ITGAD: variants seen among roughly 807,000 people sequenced by gnomAD.
ITGAD encodes integrin subunit alpha D, also known as integrin alpha-D.
Under a neutral mutation model 139.0 loss-of-function variants are expected in ITGAD, and 105 were observed. The ratio of observed to expected loss-of-function variants is 0.76; its 90% CI spans 0.65 to 0.89. The LOEUF (loss-of-function observed/expected upper bound fraction) is 0.89, where lower values mean the gene tolerates loss of function less well. Among genes scored for constraint, ITGAD ranks in the 40% least tolerant of loss-of-function variants. ITGAD has a pLI of 0.00. For synonymous variants in ITGAD, 569 were observed against 598.3 expected, an observed-to-expected ratio of 0.95 and a Z score of 0.71; for missense variants, 1,384 against 1,487.3, an observed-to-expected ratio of 0.93 and a Z score of 1.14.
chr16:31,413,664 T>A (rs2081798613), intron 16 of ITGAD, among the ~76,000 whole-genome samples: 1 of 152,154 alleles, frequency 6.6e-6, no homozygotes, highest in South Asian at 2.1e-4. Context: ...CTCCAGTCCT[T>A]CCCTCCAGTG....
intron 16 of ITGAD, among the ~76,000 whole-genome samples, chr16:31,414,098 T>G (rs1419838877): frequency 6.6e-6 from 1 of 152,152 alleles, no homozygotes; most frequent in Non-Finnish European, 1.5e-5. Context: ...ACCTATCTAA[T>G]CTATCATCTA....
At position 31,410,716 on chromosome 16, in the gene ITGAD, C is replaced by T; in HGVS notation, c.1214-20C>T. On this transcript the variant is annotated intron_variant, in intron 11 of 29. Coordinates refer to ENST00000389202, the MANE Select transcript of ITGAD (RefSeq NM_005353.3). The stretch of plus-strand genomic sequence containing the variant: ...GGGAGGGGGAATGGGGGCCTTTGTG[C>T]TGAGGCCTGGGCCCCTCAGGTTACT... 3.7e-6 allele frequency: 6 copies of T among 1,603,786 alleles called. No individual in the cohort carries two copies. Among genetic ancestry groups the T allele is most frequent in the Non-Finnish European group, 5.1e-6 (6 of 1,175,688 alleles).
chr16:31,397,706 C>CCCCCCGG, intron 4 of ITGAD, 40 bp downstream of exon 4: 2 of 299,950 alleles, frequency 6.7e-6, no homozygotes, highest in Non-Finnish European at 1.1e-5. Flanking sequence ...TGGGGTGGGG[C>CCCCCCGG]GGGGGGTGTT....
chr16:31,421,086 A>T (rs948265110), intron 23 of ITGAD, among the ~76,000 whole-genome samples: 2 of 152,162 alleles, frequency 1.3e-5, no homozygotes, highest in African/African-American at 4.8e-5. Flanking sequence ...TAAGTACTTT[A>T]TATGTATTTA....
chr16:31,408,682 C>T (rs556535671), intron 10 of ITGAD, 184 bp downstream of exon 10: 1 of 578,744 alleles, frequency 1.7e-6, no homozygotes, highest in African/African-American at 1.9e-5. Flanking sequence ...GGTTCCTGCT[C>T]TCAAGGATCA....
At chr16:31,410,715 G>A in intron 11 of ITGAD, 21 bp from the exon 12 acceptor site, 1 of 1,604,422 alleles carries the variant, frequency 6.2e-7, no homozygotes, top group Non-Finnish European at 8.5e-7. Flanking sequence ...GGGCCTTTGT[G>A]CTGAGGCCTG....
chr16:31,410,982 G>A (rs2081686850), intron 12 of ITGAD, 94 bp from the exon 13 acceptor site: 13 of 1,599,140 alleles, frequency 8.1e-6, no homozygotes, highest in Non-Finnish European at 1.0e-5. Flanking sequence ...GGGGGCCTTG[G>A]GAGAGGTCCT....
At position 31,416,254 on chromosome 16, in the gene ITGAD, A is replaced by C; in HGVS notation, c.2325A>C (p.Glu775Asp). The C allele has an allele frequency of 6.2e-7, 1 of 1,605,942 alleles. No homozygotes were observed. Reference sequence around the variant, plus strand: ...ACTGTGGGCAAGATGGCCTCTGTGAAGGGGACCTGGGTGTCACCCTCAGCT... The same window carrying C: ...ACTGTGGGCAAGATGGCCTCTGTGACGGGGACCTGGGTGTCACCCTCAGCT... Reference protein sequence around the residue: ...EKNCGQDGLCEGDLGVTLSFS... With the variant: ...EKNCGQDGLCDGDLGVTLSFS... Residue 775 changes from glutamate to aspartate, a missense_variant, in exon 19 of 30, where the codon GAA (glutamate) becomes GAC (aspartate). Glu to Asp is a conservative substitution (Grantham distance 45). Transcript: ENST00000389202.
chr16:31,413,961 G>A (rs1257156429), intron 16 of ITGAD, among the ~76,000 whole-genome samples: 3 of 152,164 alleles, frequency 2.0e-5, no homozygotes, highest in East Asian at 3.9e-4. Context: ...GCAACATCAC[G>A]TCCCATGTGC....
At chr16:31,394,891 G>A (rs2142559977) in intron 2 of ITGAD, among the ~76,000 whole-genome samples, 1 of 152,286 alleles carries the variant, frequency 6.6e-6, no homozygotes, top group East Asian at 1.9e-4. Context: ...ATGTTGTCCA[G>A]ACTGGCTGAA....
Position 31,397,385 on chromosome 16 carries a change from T to G in ITGAD, c.164T>G (p.Val55Gly). 1 of 1,601,104 alleles carries G rather than the reference T, an allele frequency of 6.2e-7. No individual in the cohort carries two copies. Among genetic ancestry groups the G allele is most frequent in the Non-Finnish European group, 8.5e-7 (1 of 1,174,602 alleles). ...SRLVVGAPLEVVAANQTGRLY... is the reference protein window; with the variant it reads ...SRLVVGAPLEGVAANQTGRLY... ...CTCGTGGTGGGAGCACCCCTGGAGGTGGTGGCGGCCAACCAGACGGGACGG... is the reference window on the plus strand; with the variant it reads ...CTCGTGGTGGGAGCACCCCTGGAGGGGGTGGCGGCCAACCAGACGGGACGG... The change falls in exon 3 of 30, where the codon GTG becomes GGG. Residue 55 changes from valine (V) to glycine (G), a missense_variant. Coordinates refer to ENST00000389202, the MANE Select transcript of ITGAD (RefSeq NM_005353.3).
intron 10 of ITGAD, among the ~76,000 whole-genome samples, chr16:31,410,106 C>T (rs1354803403): frequency 6.6e-6 from 1 of 151,850 alleles, no homozygotes; most frequent in African/African-American, 2.4e-5. Flanking sequence ...TGATGGTTTT[C>T]CAGCAGGGGT....
intron 20 of ITGAD, 56 bp from the exon 21 acceptor site, chr16:31,418,019 T>C: frequency 7.3e-7 from 1 of 1,372,996 alleles, no homozygotes; most frequent in Non-Finnish European, 1.0e-6. Context: ...CACTGCTGTG[T>C]ATCAAGCCCA....
intron 2 of ITGAD, among the ~76,000 whole-genome samples, chr16:31,396,818 T>TA (rs1470305372): frequency 6.6e-6 from 1 of 152,206 alleles, no homozygotes. Flanking sequence ...TCTACATAAC[T>TA]ATAGATATAG....
intron 2 of ITGAD, among the ~76,000 whole-genome samples, chr16:31,396,442 C>T (rs757007471): frequency 4.6e-5 from 7 of 152,166 alleles, no homozygotes; most frequent in Non-Finnish European, 8.8e-5. Flanking sequence ...CATTGCACTC[C>T]AACCTGGGTG....
At position 31,397,361 on chromosome 16, in the gene ITGAD, T is replaced by A; in HGVS notation, c.140T>A (p.Leu47His). The A allele has an allele frequency of 6.3e-7, 1 of 1,593,620 alleles. No individual in the cohort carries two copies. Among genetic ancestry groups the A allele is most frequent in the Non-Finnish European group, 8.5e-7 (1 of 1,169,866 alleles). ...CATGGCCATGGTTGTGTCTCCAGACTCGTGGTGGGAGCACCCCTGGAGGTG... is the reference window on the plus strand; with the variant it reads ...CATGGCCATGGTTGTGTCTCCAGACACGTGGTGGGAGCACCCCTGGAGGTG... ...QSVVQFGGSR[L>H]VVGAPLEVVA... The change falls in exon 3 of 30, where the codon CTC becomes CAC. Residue 47 changes from leucine (L) to histidine (H), a missense_variant and splice_region_variant. Physicochemically the swap from Leu to His is moderately conservative, Grantham distance 99. Transcript: ENST00000389202.
chr16:31,420,352 C>T (rs922564253), intron 23 of ITGAD, among the ~76,000 whole-genome samples: 1 of 151,234 alleles, frequency 6.6e-6, no homozygotes, highest in African/African-American at 2.4e-5. Flanking sequence ...GCATCCCATA[C>T]ACTGGGCTGA....
chr16:31,411,079 G>C lies in ITGAD; in HGVS notation c.1360G>C (p.Gly454Arg). The C allele has an allele frequency of 6.2e-7, 1 of 1,612,136 alleles. No individual in the cohort carries two copies. The highest frequency in any genetic ancestry group is 1.1e-5 in the South Asian group (1 of 90,996). Residue 454 changes from glycine to arginine, a missense_variant, in exon 13 of 30, where the codon GGC becomes CGC. Coordinates refer to ENST00000389202, the MANE Select transcript of ITGAD (RefSeq NM_005353.3). Reference protein sequence around the residue: ...KKAEVTGTQIGSYFGASLCSV... With the variant: ...KKAEVTGTQIRSYFGASLCSV... ...TGACCCAGGCTCTGCCCTCCAGATC[G>C]GCTCCTACTTCGGGGCCTCCCTCTG... is the stretch of plus-strand genomic sequence containing the variant.
intron 5 of ITGAD, among the ~76,000 whole-genome samples, chr16:31,399,977 G>A (rs2081363534): frequency 6.6e-6 from 1 of 152,212 alleles, no homozygotes; most frequent in African/African-American, 2.4e-5. Context: ...TGATTGGTGG[G>A]GTCCTTTTTC....
Sources: gnomAD v4.1 joint callset for allele counts (sites outside exome capture counted in the v4.1 genomes callset) on GRCh38, gnomAD v4.1.1 for gene constraint, MANE v1.5 for transcripts, NCBI Gene and HGNC (gene_info 2026-07-23, HGNC 2026-07-21) for gene names.